Variants in CDC42BPA observed in about 807,000 individuals in gnomAD.
CDC42BPA encodes CDC42 binding protein kinase alpha.
In CDC42BPA, 80 loss-of-function variants were observed where a neutral mutation model predicts 223.5. The ratio of observed to expected loss-of-function variants is 0.36; its 90% CI spans 0.30 to 0.43. The LOEUF (loss-of-function observed/expected upper bound fraction) is 0.43. Ranked by LOEUF, CDC42BPA falls within the 20% of genes least tolerant of loss-of-function variation. The pLI, the probability that CDC42BPA is intolerant of heterozygous loss-of-function variation, is 1.00. For missense variants in CDC42BPA, 1,743 were observed against 2,099.9 expected (o/e 0.83, Z 3.32); for synonymous variants, 694 against 718.6 (o/e 0.97, Z 0.55).
At chr1:227,230,924 G>A (rs770711536) in intron 2 of CDC42BPA, among the ~76,000 whole-genome samples, 7 of 147,642 alleles carry the variant, frequency 4.7e-5, no homozygotes, top group South Asian at 2.2e-4. Context: ...GGGTTCAAGC[G>A]ATTCCCCTGC....
intron 5 of CDC42BPA, among the ~76,000 whole-genome samples, chr1:227,188,810 T>C (rs1485747898): frequency 6.6e-6 from 1 of 152,166 alleles, no homozygotes; most frequent in African/African-American, 2.4e-5. Flanking sequence ...CTACAGAACG[T>C]ACAACACCAA....
chr1:227,242,855 T>C (rs912009045), intron 2 of CDC42BPA, among the ~76,000 whole-genome samples: 17 of 152,320 alleles, frequency 1.1e-4, no homozygotes, highest in Non-Finnish European at 2.9e-5. Context: ...ATTGTTCTCT[T>C]ATAAAGACAC....
intron 5 of CDC42BPA, among the ~76,000 whole-genome samples, chr1:227,166,910 A>C (rs1006817669): frequency 2.0e-5 from 3 of 152,174 alleles, no homozygotes; most frequent in African/African-American, 7.2e-5. Flanking sequence ...GGCTCAAGAG[A>C]GGAGGAATAG....
At chr1:227,259,464 T>C (rs896318664) in intron 1 of CDC42BPA, among the ~76,000 whole-genome samples, 6 of 151,008 alleles carry the variant, frequency 4.0e-5, no homozygotes, top group African/African-American at 1.5e-4. Context: ...TTCCGATAGC[T>C]TCCTTATTCC....
rs148881297 is a variant in CDC42BPA at position 227,005,042 on chromosome 1, G to A, written c.4927C>T (p.Arg1643Cys). The A allele has an allele frequency of 1.5e-4, 246 of 1,614,150 alleles. No individual in the cohort carries two copies. The highest frequency in any genetic ancestry group is 6.9e-4 in the South Asian group (63 of 91,076). ...SVSIPSITKS[R>C]PEPGRSMSAS... ...CTCATGGAGCGGCCTGGCTCAGGGCGGGATTTGGTGATAGATGGAATACTG... is the reference window on the plus strand; with the variant it reads ...CTCATGGAGCGGCCTGGCTCAGGGCAGGATTTGGTGATAGATGGAATACTG... The change falls in exon 35 of 37, where the codon CGC (arginine) becomes TGC (cysteine). Residue 1643 changes from arginine to cysteine, a missense_variant. Transcript: ENST00000366766.
At chr1:227,097,090 C>G (rs1469582865) in intron 15 of CDC42BPA, among the ~76,000 whole-genome samples, 1 of 152,098 alleles carries the variant, frequency 6.6e-6, no homozygotes, top group Admixed American at 6.6e-5. Flanking sequence ...TACTTTGCTC[C>G]AGTACTTTCC....
chr1:227,080,558 T>C (rs1013950915), intron 17 of CDC42BPA, among the ~76,000 whole-genome samples: 17 of 152,204 alleles, frequency 1.1e-4, no homozygotes, highest in African/African-American at 4.1e-4. Context: ...ACAGGACTTT[T>C]GGTCTTAGAA....
chr1:227,252,735 T>G (rs1682241461), intron 2 of CDC42BPA, among the ~76,000 whole-genome samples: 1 of 150,662 alleles, frequency 6.6e-6, no homozygotes, highest in African/African-American at 2.4e-5. Context: ...TTGTTTAACA[T>G]CTGAAAATAT....
chr1:227,108,461 A>G (rs991428354), intron 14 of CDC42BPA, among the ~76,000 whole-genome samples: 2 of 150,382 alleles, frequency 1.3e-5, no homozygotes, highest in Admixed American at 1.3e-4. Context: ...GTGGTTGGAG[A>G]TGATACCTCA....
At chr1:227,089,394 G>T (rs1472685301) in intron 16 of CDC42BPA, among the ~76,000 whole-genome samples, 1 of 152,138 alleles carries the variant, frequency 6.6e-6, no homozygotes, top group Non-Finnish European at 1.5e-5. Context: ...GAATTAAAAA[G>T]GGAAAGGTAG....
chr1:227,193,529 A>G (rs1330060356), intron 5 of CDC42BPA: 4 of 365,130 alleles, frequency 1.1e-5, no homozygotes, highest in African/African-American at 2.1e-5. Flanking sequence ...CTAGTCTCCA[A>G]TGTCTATTAT....
chr1:227,106,892 G>C (rs1279508909), intron 14 of CDC42BPA, among the ~76,000 whole-genome samples: 1 of 152,114 alleles, frequency 6.6e-6, no homozygotes. Flanking sequence ...ATTTATTTCT[G>C]TATTCTTAAT....
At chr1:227,232,848 T>A (rs1400553545) in intron 2 of CDC42BPA, among the ~76,000 whole-genome samples, 2 of 152,228 alleles carry the variant, frequency 1.3e-5, no homozygotes, top group African/African-American at 4.8e-5. Flanking sequence ...CCAGTTAGGC[T>A]ACTCGTGTGT....
intron 10 of CDC42BPA, among the ~76,000 whole-genome samples, chr1:227,129,849 G>A (rs1306161910): frequency 6.6e-6 from 1 of 151,884 alleles, no homozygotes; most frequent in Admixed American, 6.6e-5. Flanking sequence ...TGGTATGTCA[G>A]TCAGATGCTA....
At chr1:227,284,964 C>CAAA (rs67192689) in intron 1 of CDC42BPA, among the ~76,000 whole-genome samples, 1 of 144,134 alleles carries the variant, frequency 6.9e-6, no homozygotes, top group Non-Finnish European at 1.5e-5. Context: ...CCCCATCTCA[C>CAAA]AAAAAAAAAA....
chr1:227,025,812 CATA>C (rs1267646738), intron 31 of CDC42BPA, among the ~76,000 whole-genome samples: 1 of 151,982 alleles, frequency 6.6e-6, no homozygotes. Flanking sequence ...TCTAGTTGTT[CATA>C]ATAATAACAA....
At chr1:227,066,340 A>C (rs1378798207) in intron 21 of CDC42BPA, among the ~76,000 whole-genome samples, 1 of 151,894 alleles carries the variant, frequency 6.6e-6, no homozygotes, top group Non-Finnish European at 1.5e-5. Context: ...CAGTGAGCTG[A>C]GATCGTGTCA....
intron 22 of CDC42BPA, among the ~76,000 whole-genome samples, chr1:227,048,986 A>T (rs1055877686): frequency 2.0e-5 from 3 of 151,986 alleles, no homozygotes; most frequent in Admixed American, 2.0e-4. Context: ...TATAAGCACT[A>T]CAGCCTTAAA....
intron 8 of CDC42BPA, among the ~76,000 whole-genome samples, chr1:227,144,806 G>A (rs528541830): frequency 6.6e-6 from 1 of 152,074 alleles, no homozygotes; most frequent in Non-Finnish European, 1.5e-5. Flanking sequence ...ATTCACCTCA[G>A]GCAGGGCTAT....
Sources: allele counts gnomAD v4.1 joint callset (sites outside exome capture counted in the v4.1 genomes callset), GRCh38; gene constraint gnomAD v4.1.1; transcripts MANE v1.5; gene names NCBI Gene and HGNC (gene_info 2026-07-23, HGNC 2026-07-21).